The following AGBL4 variants were observed in gnomAD, a reference collection of about 807,000 sequenced individuals.
The protein encoded by AGBL4 is AGBL carboxypeptidase 4.
Under a neutral mutation model 66.4 loss-of-function variants are expected in AGBL4, and 58 were observed. The ratio of observed to expected loss-of-function variants is 0.87; its 90% CI spans 0.71 to 1.09. The LOEUF is 1.09. AGBL4 is among the 50% of genes least tolerant of loss of function. The probability of loss-of-function intolerance (pLI) is 0.00; values close to 1 mark genes in which losing one functional copy is unlikely to be tolerated. For missense variants in AGBL4, 579 were observed against 631.0 expected, an observed-to-expected ratio of 0.92 and a Z score of 0.88; for synonymous variants, 234 against 222.9, an observed-to-expected ratio of 1.05 and a Z score of -0.44.
intron 3 of AGBL4, among the ~76,000 whole-genome samples, chr1:49,418,731 G>T (rs1384397465): frequency 6.6e-6 from 1 of 152,220 alleles, no homozygotes; most frequent in Non-Finnish European, 1.5e-5. Flanking sequence ...TAGTGCCACA[G>T]ACTGATAGGC....
At chr1:49,274,076 T>C (rs1423214450) in intron 3 of AGBL4, among the ~76,000 whole-genome samples, 1 of 152,192 alleles carries the variant, frequency 6.6e-6, no homozygotes, top group South Asian at 2.1e-4. Flanking sequence ...TTTTGATTAT[T>C]TGGGAAACAG....
intron 4 of AGBL4, among the ~76,000 whole-genome samples, chr1:49,232,702 A>AT (rs1429098521): frequency 6.6e-6 from 1 of 151,486 alleles, no homozygotes; most frequent in Non-Finnish European, 1.5e-5. Flanking sequence ...CTGTCTCAAA[A>AT]TTAAAAAAAA....
intron 8 of AGBL4, among the ~76,000 whole-genome samples, chr1:48,652,697 A>G (rs941754241): frequency 2.0e-5 from 3 of 152,182 alleles, no homozygotes; most frequent in African/African-American, 4.8e-5. Context: ...TATCTATCTC[A>G]AATGAGTCGG....
At chr1:49,878,278 C>T (rs1360115993) in intron 1 of AGBL4, among the ~76,000 whole-genome samples, 1 of 149,700 alleles carries the variant, frequency 6.7e-6, no homozygotes, top group Non-Finnish European at 1.5e-5. Context: ...ATCTTTCCTG[C>T]TTTCTCTTGT....
chr1:50,022,606 T>C (rs1173785704), intron 1 of AGBL4, among the ~76,000 whole-genome samples: 1 of 133,020 alleles, frequency 7.5e-6, no homozygotes, highest in Non-Finnish European at 1.6e-5. Context: ...GGTGTGTATG[T>C]ACCATAACCA....
At position 49,084,217 on chromosome 1, in the gene AGBL4, G is replaced by C. The variant is rs1347272652; in HGVS notation, c.378-38417C>G. On this transcript the variant is annotated intron_variant, in intron 4 of 13. Coordinates refer to ENST00000371839, the MANE Select transcript of AGBL4 (RefSeq NM_032785.4). ...TCCTATCTTCTGAGCCCTCCAAACT[G>C]TTCCAGTCTCTGCCTGTTACCCAGT... Among the ~76,000 whole-genome samples, 3 of 151,836 alleles carry C rather than the reference G, an allele frequency of 2.0e-5. No homozygotes were observed. The East Asian group carries it at 5.8e-4, about 29-fold the overall frequency.
intron 3 of AGBL4, among the ~76,000 whole-genome samples, chr1:49,350,065 A>G (rs1233561886): frequency 6.6e-6 from 1 of 152,246 alleles, no homozygotes; most frequent in Non-Finnish European, 1.5e-5. Flanking sequence ...TAGCAGCTCT[A>G]GCAAAGTAAT....
chr1:48,574,426 C>A (rs1644616544), intron 11 of AGBL4, among the ~76,000 whole-genome samples: 1 of 152,276 alleles, frequency 6.6e-6, no homozygotes, highest in South Asian at 2.1e-4. Context: ...TCCGAATACA[C>A]TTTATACACT....
At chr1:49,548,281 G>A (rs539374586) in intron 3 of AGBL4, among the ~76,000 whole-genome samples, 1 of 152,132 alleles carries the variant, frequency 6.6e-6, no homozygotes, top group South Asian at 2.1e-4. Flanking sequence ...TTACTGATTT[G>A]GATGCGTTTT....
chr1:49,270,229 G>T (rs1570291451), intron 3 of AGBL4, among the ~76,000 whole-genome samples: 1 of 152,164 alleles, frequency 6.6e-6, no homozygotes, highest in Non-Finnish European at 1.5e-5. Flanking sequence ...GTTTTTCTGT[G>T]CTATTCTGTC....
intron 3 of AGBL4, among the ~76,000 whole-genome samples, chr1:49,552,766 G>A (rs1558044123): frequency 6.6e-6 from 1 of 152,132 alleles, no homozygotes. Flanking sequence ...CACAATGCAA[G>A]GCCCTGCATA....
intron 4 of AGBL4, among the ~76,000 whole-genome samples, chr1:49,053,426 C>G (rs1228812131): frequency 6.6e-6 from 1 of 152,056 alleles, no homozygotes; most frequent in Non-Finnish European, 1.5e-5. Context: ...GAGAAGTATT[C>G]AAAGATGTTG....
At chr1:49,904,358 CT>C (rs1288661071) in intron 1 of AGBL4, among the ~76,000 whole-genome samples, 1 of 152,146 alleles carries the variant, frequency 6.6e-6, no homozygotes, top group Non-Finnish European at 1.5e-5. Flanking sequence ...CATTTTAGAT[CT>C]ATGCCAGGGC....
intron 11 of AGBL4, among the ~76,000 whole-genome samples, chr1:48,559,870 G>C (rs555052411): frequency 1.3e-5 from 2 of 152,128 alleles, no homozygotes; most frequent in African/African-American, 4.8e-5. Context: ...GGGCAGCTTG[G>C]TATCCCTGTT....
intron 8 of AGBL4, among the ~76,000 whole-genome samples, chr1:48,637,496 A>G (rs1455092894): frequency 6.6e-6 from 1 of 152,194 alleles, no homozygotes; most frequent in Non-Finnish European, 1.5e-5. Context: ...CACGGAAGCC[A>G]GATGAGCCAG....
chr1:49,126,395 C>T (rs1252092684), intron 4 of AGBL4, among the ~76,000 whole-genome samples: 1 of 152,068 alleles, frequency 6.6e-6, no homozygotes, highest in African/African-American at 2.4e-5. Context: ...CATAACAGTC[C>T]TACAACCTAA....
At chr1:49,373,867 T>C (rs924563725) in intron 3 of AGBL4, among the ~76,000 whole-genome samples, 2 of 152,130 alleles carry the variant, frequency 1.3e-5, no homozygotes, top group Non-Finnish European at 2.9e-5. Context: ...GGGTAGCCTA[T>C]CATGATGACA....
At chr1:49,905,764 T>C (rs1375225449) in intron 1 of AGBL4, among the ~76,000 whole-genome samples, 3 of 152,110 alleles carry the variant, frequency 2.0e-5, no homozygotes, top group Admixed American at 6.6e-5. Context: ...ACTACAGTTG[T>C]AAGAATTATT....
At chr1:49,615,144 T>G (rs1259529208) in intron 3 of AGBL4, among the ~76,000 whole-genome samples, 1 of 152,138 alleles carries the variant, frequency 6.6e-6, no homozygotes, top group African/African-American at 2.4e-5. Context: ...TGCATTATGA[T>G]GCTTCCCATA....
Sources: allele counts gnomAD v4.1 joint callset (sites outside exome capture counted in the v4.1 genomes callset), GRCh38; gene constraint gnomAD v4.1.1; transcripts MANE v1.5; gene names NCBI Gene and HGNC (gene_info 2026-07-23, HGNC 2026-07-21).